LIMA1: variants seen among roughly 807,000 people sequenced by gnomAD.
The protein encoded by LIMA1 is LIM domain and actin-binding protein 1.
In LIMA1, 52 loss-of-function variants were observed where a neutral mutation model predicts 62.6. The observed-to-expected ratio is 0.83, with a 90% CI of 0.67 to 1.05. LIMA1 has a LOEUF of 1.05. Ranked by LOEUF, LIMA1 falls within the 50% of genes least tolerant of loss-of-function variation. The pLI is 0.00. For missense variants in LIMA1, 780 were observed against 902.2 expected (o/e 0.86, Z 1.74); for synonymous variants, 302 against 317.8 (o/e 0.95, Z 0.53).
chr12:50,267,115 G>T (rs1028165108), intron 1 of LIMA1, among the ~76,000 whole-genome samples: 5 of 151,930 alleles, frequency 3.3e-5, no homozygotes, highest in Non-Finnish European at 7.4e-5. Flanking sequence ...TGTCGCCCAG[G>T]CTGGAGTGCA....
intron 6 of LIMA1, chr12:50,201,205 G>A: frequency 9.4e-7 from 1 of 1,066,524 alleles, no homozygotes; most frequent in Non-Finnish European, 1.1e-6. Context: ...TAGCAGCAGA[G>A]CTTGTGGTAA....
chr12:50,220,945 A>G (rs1941429909), intron 4 of LIMA1, among the ~76,000 whole-genome samples: 1 of 152,228 alleles, frequency 6.6e-6, no homozygotes, highest in South Asian at 2.1e-4. Context: ...AACTTCAAAC[A>G]TGACCCGCAA....
chr12:50,257,817 A>T (rs981217719), intron 1 of LIMA1, among the ~76,000 whole-genome samples: 1 of 152,248 alleles, frequency 6.6e-6, no homozygotes, highest in African/African-American at 2.4e-5. Context: ...TAACCTTGGC[A>T]GTATGCCACA....
At chr12:50,266,231 T>C (rs1942137048) in intron 1 of LIMA1, among the ~76,000 whole-genome samples, 1 of 152,212 alleles carries the variant, frequency 6.6e-6, no homozygotes, top group Non-Finnish European at 1.5e-5. Context: ...TCAGTCACTG[T>C]ACTAAGCACT....
At chr12:50,188,737 C>T (rs539739057) in intron 9 of LIMA1, 1 of 152,238 alleles carries the variant, frequency 6.6e-6, no homozygotes, top group Admixed American at 6.5e-5. Context: ...CATCCGCTCA[C>T]CCCGTGGAAC....
At chr12:50,195,676 A>T in intron 8 of LIMA1, 154 bp downstream of exon 8, 1 of 589,586 alleles carries the variant, frequency 1.7e-6, no homozygotes, top group Non-Finnish European at 2.7e-6. Context: ...TAAGCCATGA[A>T]GTGTGTAAAG....
At chr12:50,260,649 CAA>C (rs1942054801) in intron 1 of LIMA1, among the ~76,000 whole-genome samples, 1 of 152,022 alleles carries the variant, frequency 6.6e-6, no homozygotes, top group Admixed American at 6.6e-5. Flanking sequence ...CATAGTATAA[CAA>C]AATGTACACA....
chr12:50,187,563 TC>T (rs1226996673), intron 9 of LIMA1: 7 of 152,168 alleles, frequency 4.6e-5, no homozygotes, highest in Admixed American at 1.3e-4. Flanking sequence ...GAAAGGACAG[TC>T]CTCTGAAAAG....
In LIMA1 at chr12:50,222,413, C is replaced by G; in HGVS notation, c.238G>C (p.Gly80Arg). 1 of 1,614,178 alleles carries G rather than the reference C, an allele frequency of 6.2e-7. No homozygotes were observed. The highest frequency in any genetic ancestry group is 8.5e-7 in the Non-Finnish European group (1 of 1,180,034). ...TVLKKKWENPGLGAESHTDSL... is the reference protein window; with the variant it reads ...TVLKKKWENPRLGAESHTDSL... ...TCTGTGTGAGACTCTGCTCCCAGCC[C>G]TGGGTTCTCCCACTTCTTCTTTAAC... Residue 80 changes from glycine to arginine, a missense_variant, in exon 4 of 11, where the codon GGG becomes CGG. Gly to Arg is a moderately radical substitution (Grantham distance 125, BLOSUM62 -2). Transcript: ENST00000341247.
At chr12:50,195,968 C>T in intron 7 of LIMA1, 81 bp from the exon 8 acceptor site, 1 of 1,391,422 alleles carries the variant, frequency 7.2e-7, no homozygotes, top group Middle Eastern at 2.2e-4. Context: ...GCTGTTAATG[C>T]CATAAAAACC....
In LIMA1 at chr12:50,279,010, C is replaced by CT. The variant is rs35710007; in HGVS notation, c.-24+4409dup. Among the ~76,000 whole-genome samples the CT allele has an allele frequency of 6.1e-4, 84 of 137,630 alleles. 1 individual carries two copies. Among genetic ancestry groups the CT allele is most frequent in the Non-Finnish European group, 9.8e-4 (63 of 64,098 alleles). The allele number at this position is 137,630 out of a possible 152,430, so 90.3% of individuals were successfully genotyped here. Reference sequence around the variant, plus strand: ...ACATTTTCTTTTTTTCTTTTCTTTTCTTTTTTTTTTTTTGATATGGAGTCT... The same window carrying CT: ...ACATTTTCTTTTTTTCTTTTCTTTTCTTTTTTTTTTTTTTGATATGGAGTCT... On this transcript the variant is annotated intron_variant, in intron 1 of 10. Coordinates refer to ENST00000341247, the MANE Select transcript of LIMA1 (RefSeq NM_016357.5).
At chr12:50,255,490 T>C (rs1416753800) in intron 1 of LIMA1, among the ~76,000 whole-genome samples, 1 of 149,016 alleles carries the variant, frequency 6.7e-6, no homozygotes, top group African/African-American at 2.5e-5. Flanking sequence ...GAGGTTAAGG[T>C]TGCAGTGAGC....
intron 7 of LIMA1, 40 bp downstream of exon 7, chr12:50,200,737 A>G: frequency 6.2e-7 from 1 of 1,605,358 alleles, no homozygotes; most frequent in Non-Finnish European, 8.5e-7. Context: ...TTTAGAACAC[A>G]TGCTTCCTTG....
chr12:50,213,100 G>A (rs1468256018), intron 4 of LIMA1, among the ~76,000 whole-genome samples: 2 of 152,206 alleles, frequency 1.3e-5, no homozygotes, highest in African/African-American at 4.8e-5. Context: ...AAAGTGCTGG[G>A]ATTACAAGTG....
At chr12:50,266,872 T>C (rs956455347) in intron 1 of LIMA1, among the ~76,000 whole-genome samples, 9 of 152,154 alleles carry the variant, frequency 5.9e-5, no homozygotes, top group African/African-American at 2.2e-4. Flanking sequence ...TATTTTCAAA[T>C]ATGTGTTGGC....
intron 1 of LIMA1, among the ~76,000 whole-genome samples, chr12:50,252,050 C>T (rs1007159259): frequency 1.1e-4 from 17 of 152,158 alleles, no homozygotes; most frequent in African/African-American, 3.9e-4. Flanking sequence ...TGCTTGCTGA[C>T]ATACACACAA....
At chr12:50,245,276 G>A (rs1288691779) in intron 2 of LIMA1, among the ~76,000 whole-genome samples, 1 of 151,912 alleles carries the variant, frequency 6.6e-6, no homozygotes, top group Middle Eastern at 3.4e-3. Flanking sequence ...AGACGGGCAT[G>A]GTGGTGCATG....
chr12:50,277,303 G>A (rs1592574601), intron 1 of LIMA1, among the ~76,000 whole-genome samples: 2 of 151,790 alleles, frequency 1.3e-5, no homozygotes, highest in East Asian at 3.9e-4. Context: ...AAGTTAAAGG[G>A]CACAAACAAA....
intron 1 of LIMA1, among the ~76,000 whole-genome samples, chr12:50,272,885 A>C (rs1942230648): frequency 6.7e-6 from 1 of 150,312 alleles, no homozygotes; most frequent in Non-Finnish European, 1.5e-5. Context: ...TTCTCTACTA[A>C]AAAAAATACA....
Sources: gnomAD v4.1 joint callset for allele counts (sites outside exome capture counted in the v4.1 genomes callset) on GRCh38, gnomAD v4.1.1 for gene constraint, MANE v1.5 for transcripts, NCBI Gene and HGNC (gene_info 2026-07-23, HGNC 2026-07-21) for gene names.